Variants in DGKZ observed in about 807,000 individuals in gnomAD.
DGKZ encodes the protein diacylglycerol kinase zeta.
A neutral mutation model predicts 142.5 loss-of-function variants in DGKZ; 45 were observed. That is an observed-to-expected ratio of 0.32 (90% CI 0.25 to 0.40). DGKZ has a LOEUF of 0.40. Among genes scored for constraint, DGKZ ranks in the 10% least tolerant of loss-of-function variants. The probability of loss-of-function intolerance (pLI) is 1.00; values close to 1 mark genes in which losing one functional copy is unlikely to be tolerated. For synonymous variants in DGKZ, 442 were observed against 527.0 expected, an observed-to-expected ratio of 0.84 and a Z score of 2.21; for missense variants, 755 against 1,306.5, an observed-to-expected ratio of 0.58 and a Z score of 6.51.
chr11:46,344,243 T>G (rs1271733772), upstream of DGKZ, among the ~76,000 whole-genome samples: 1 of 151,986 alleles, frequency 6.6e-6, no homozygotes, highest in Non-Finnish European at 1.5e-5. Flanking sequence ...GCTGACATTA[T>G]ATTGTACATA....
intron 1 of DGKZ, among the ~76,000 whole-genome samples, chr11:46,337,637 C>T (rs769923974): frequency 1.6e-4 from 25 of 152,230 alleles, no homozygotes; most frequent in Middle Eastern, 3.4e-3. Context: ...GGTCTTGCTA[C>T]AGGTGTATAG....
upstream of DGKZ, chr11:46,345,252 G>A: frequency 7.4e-7 from 1 of 1,355,616 alleles, no homozygotes. This position sits in a 1 kb window ranked among gnomAD's most constrained non-coding sequence, Gnocchi z 4.1. Flanking sequence ...GCTTTCTTGT[G>A]CAGCTCTTCA....
At chr11:46,366,576 C>A in intron 1 of DGKZ, 1 of 1,606,590 alleles carries the variant, frequency 6.2e-7, no homozygotes, top group Non-Finnish European at 8.5e-7. Flanking sequence ...CTGGGTGCAC[C>A]CCTGCTGTTG....
exon 19 of DGKZ, chr11:46,374,950 A>G: frequency 1.9e-6 from 3 of 1,609,060 alleles, no homozygotes; most frequent in Non-Finnish European, 2.5e-6. Context: ...TGCGGGCACC[A>G]TGCCCTGGGG....
chr11:46,336,475 C>G (rs1940020485), intron 1 of DGKZ, among the ~76,000 whole-genome samples: 1 of 152,176 alleles, frequency 6.6e-6, no homozygotes, highest in African/African-American at 2.4e-5. Flanking sequence ...TGCCTGTAAT[C>G]CCAGCATTTC....
At chr11:46,356,174 G>A (rs1338073985) in intron 1 of DGKZ, among the ~76,000 whole-genome samples, 1 of 152,206 alleles carries the variant, frequency 6.6e-6, no homozygotes, top group African/African-American at 2.4e-5. Context: ...GGCCCGCGAG[G>A]GGTTTATAAC....
chr11:46,380,131 C>T (rs956051303), exon 31 of DGKZ: 1 of 617,168 alleles, frequency 1.6e-6, no homozygotes, highest in Non-Finnish European at 2.8e-6. Flanking sequence ...GGGGGGGCCT[C>T]ACCTGTTCCC....
intron 9 of DGKZ, 94 bp from the exon 10 acceptor site, chr11:46,371,981 A>G: frequency 7.5e-7 from 1 of 1,335,580 alleles, no homozygotes; most frequent in Non-Finnish European, 1.1e-6. Flanking sequence ...TGAGGGTACA[A>G]AGAGGGAACA....
chr11:46,345,353 CCCT>C (rs1940508501), upstream of DGKZ: 1 of 1,394,248 alleles, frequency 7.2e-7, no homozygotes, highest in South Asian at 1.6e-5. This position sits in a 1 kb window ranked among gnomAD's most constrained non-coding sequence, Gnocchi z 4.1. Context: ...GCAGGCCCCC[CCCT>C]CGACCCCACC....
intron 4 of DGKZ, 66 bp downstream of exon 4, chr11:46,368,145 T>C (rs1943534816): frequency 6.6e-7 from 1 of 1,526,306 alleles, no homozygotes; most frequent in Non-Finnish European, 9.1e-7. Flanking sequence ...CAGCGCGCAC[T>C]CACACCCACA....
intron 1 of DGKZ, chr11:46,366,846 C>A: frequency 6.5e-7 from 1 of 1,546,674 alleles, no homozygotes; most frequent in East Asian, 2.4e-5. Context: ...GGCCAGCACC[C>A]TGGCCCTGGG....
chr11:46,358,858 G>A (rs1047522056), intron 1 of DGKZ, among the ~76,000 whole-genome samples: 3 of 151,668 alleles, frequency 2.0e-5, no homozygotes, highest in African/African-American at 7.3e-5. Context: ...ATAATAACAT[G>A]TGGGCCAGGT....
At chr11:46,361,030 G>T (rs532132931) in intron 1 of DGKZ, among the ~76,000 whole-genome samples, 1 of 152,238 alleles carries the variant, frequency 6.6e-6, no homozygotes, top group East Asian at 1.9e-4. Flanking sequence ...CACAAGCCTC[G>T]AGTTGCCCCA....
At chr11:46,352,392 C>T (rs917168880) in intron 1 of DGKZ, among the ~76,000 whole-genome samples, 4 of 152,164 alleles carry the variant, frequency 2.6e-5, no homozygotes, top group South Asian at 2.1e-4. Context: ...CACAGGCACT[C>T]GCTGGAAGTT....
exon 29 of DGKZ, chr11:46,379,204 C>A (rs753619840): frequency 3.7e-6 from 6 of 1,612,940 alleles, no homozygotes; most frequent in East Asian, 4.5e-5. Flanking sequence ...CTTCTCCAGC[C>A]CCCCCAGAGA....
chr11:46,358,059 G>A (rs964905191), intron 1 of DGKZ, among the ~76,000 whole-genome samples: 28 of 152,160 alleles, frequency 1.8e-4, no homozygotes, highest in Admixed American at 1.8e-3. Context: ...GGTCCTGGGG[G>A]TGCCCTGACC....
intron 25 of DGKZ, 41 bp from the exon 26 acceptor site, chr11:46,378,157 C>T: frequency 6.3e-7 from 1 of 1,596,124 alleles, no homozygotes; most frequent in Non-Finnish European, 8.5e-7. Context: ...ACCAGCTGGC[C>T]TGTGCCGTAG....
chr11:46,366,510 G>A (rs768959809), intron 1 of DGKZ: 9 of 1,588,876 alleles, frequency 5.7e-6, no homozygotes, highest in Admixed American at 3.5e-5. Flanking sequence ...TGCAACCCCC[G>A]CTTCATCGTG....
chr11:46,371,682 A>AAC, intron 8 of DGKZ, 22 bp from the exon 9 acceptor site: 2 of 1,613,880 alleles, frequency 1.2e-6, no homozygotes, highest in Non-Finnish European at 1.7e-6. Flanking sequence ...CCTCGTCACC[A>AAC]ACACCCCTGC....
Sources: gnomAD v4.1 joint callset for allele counts (sites outside exome capture counted in the v4.1 genomes callset) on GRCh38, gnomAD v4.1.1 for gene constraint, Gnocchi (gnomAD v3.1) non-coding constraint, MANE v1.5 for transcripts, NCBI Gene and HGNC (gene_info 2026-07-23, HGNC 2026-07-21) for gene names.